SPI1: variants seen among roughly 807,000 people sequenced by gnomAD.
The protein encoded by SPI1 is Spi-1 proto-oncogene.
A neutral mutation model predicts 30.7 loss-of-function variants in SPI1; 3 were observed. The ratio of observed to expected loss-of-function variants is 0.10; its 90% CI spans 0.04 to 0.25. The LOEUF is 0.25. Among genes scored for constraint, SPI1 ranks in the 10% least tolerant of loss-of-function variants. SPI1 has a pLI of 1.00. For missense variants in SPI1, 261 were observed against 371.5 expected (o/e 0.70, Z 2.45); for synonymous variants, 169 against 157.1 (o/e 1.08, Z -0.56).
Position 47,359,637 on chromosome 11 carries a change from GGTCT to G in SPI1, c.330+212_330+215del, listed in dbSNP as rs1483539749. 1.7e-4 allele frequency among the ~76,000 whole-genome samples: 26 copies of G among 152,022 alleles called. No individual in the cohort carries two copies. The highest frequency in any genetic ancestry group is 6.3e-4 in the African/African-American group (26 of 41,366). On this transcript the variant is annotated intron_variant, in intron 3 of 4. Transcript: ENST00000378538. The surrounding 1 kb of genome is among the most constrained non-coding windows in gnomAD (Gnocchi z 5.1). ...TGGTGAGGGTGCGAGAATTATCTGG[GGTCT>G]GTCCATACTCGGGGTGAGATGAGAT...
intron 2 of SPI1, 70 bp from the exon 3 acceptor site, chr11:47,360,110 A>G (rs529405462): frequency 7.6e-7 from 1 of 1,313,370 alleles, no homozygotes; most frequent in South Asian, 1.5e-5. Context: ...TTATAGTAAC[A>G]TTAAATAATA....
At chr11:47,378,166 A>G in intron 1 of SPI1, 143 bp downstream of exon 1, 1 of 894,400 alleles carries the variant, frequency 1.1e-6, no homozygotes, top group Non-Finnish European at 1.8e-6. Flanking sequence ...GCTGGGTCTC[A>G]GGCCAGGAGT....
At chr11:47,378,262 C>T (rs376566931) in intron 1 of SPI1, 47 bp downstream of exon 1, 109 of 1,594,326 alleles carry the variant, frequency 6.8e-5, no homozygotes, top group Non-Finnish European at 8.6e-5. Context: ...GGCAGGCAGG[C>T]GTCCGAGGGC....
intron 4 of SPI1, among the ~76,000 whole-genome samples, chr11:47,356,786 T>C (rs2095910547): frequency 6.8e-6 from 1 of 146,316 alleles, no homozygotes; most frequent in Non-Finnish European, 1.5e-5. Flanking sequence ...TACCCACACC[T>C]CACACACACT....
intron 1 of SPI1, among the ~76,000 whole-genome samples, chr11:47,376,760 G>A (rs534545490): frequency 1.3e-5 from 2 of 152,262 alleles, no homozygotes; most frequent in South Asian, 4.1e-4. Flanking sequence ...CCCCCGCAGC[G>A]TGTGGCCCAG....
intron 2 of SPI1, among the ~76,000 whole-genome samples, chr11:47,368,892 A>G (rs1348970902): frequency 6.6e-6 from 1 of 152,228 alleles, no homozygotes; most frequent in African/African-American, 2.4e-5. Context: ...CTTAAAATGT[A>G]AAGAAATGGT....
At position 47,355,119 on chromosome 11, in the gene SPI1, A is replaced by T; in HGVS notation, c.*108T>A. 1.1e-6 allele frequency: 1 copy of T among 884,528 alleles called. No homozygotes were observed. Among genetic ancestry groups the T allele is most frequent in the Non-Finnish European group, 1.5e-6 (1 of 675,422 alleles). The allele number at this position is 884,528 out of a possible 1,614,324, so 54.8% of individuals were successfully genotyped here. A position where few individuals can be genotyped will look rare whatever the true frequency, so the allele number is the denominator to read the frequency against. On this transcript the variant is annotated 3_prime_UTR_variant, in exon 5 of 5. Transcript: ENST00000378538. ...GGTGAGGCGAGGCCCGGCCCGCCAC[A>T]GTCCTGCCTCTGGGCCCCGGGAGCG...
rs183160870 is a variant in SPI1, at chr11:47,362,684, T to C, written c.143-2644A>G. 2.0e-5 allele frequency among the ~76,000 whole-genome samples: 3 copies of C among 150,052 alleles called. No individual in the cohort carries two copies. The East Asian group carries it at 6.1e-4, about 30-fold the overall frequency. ...TCCACCTCCCGGGTTCAAGTGATTC[T>C]CCTGCCTCAGCCTCCCAAGTAGCTG... On this transcript the variant is annotated intron_variant, in intron 2 of 4. Coordinates refer to ENST00000378538, the MANE Select transcript of SPI1 (RefSeq NM_003120.3).
intron 2 of SPI1, among the ~76,000 whole-genome samples, chr11:47,367,514 A>G (rs1006845338): frequency 2.1e-5 from 3 of 145,214 alleles, no homozygotes; most frequent in African/African-American, 7.7e-5. Flanking sequence ...AGGTCACACC[A>G]CTGCACTCCA....
intron 2 of SPI1, among the ~76,000 whole-genome samples, chr11:47,370,644 G>C (rs938808565): frequency 1.3e-5 from 2 of 152,236 alleles, no homozygotes; most frequent in African/African-American, 4.8e-5. Flanking sequence ...TGAGGCTGCA[G>C]TGAGCAGAGA....
intron 2 of SPI1, among the ~76,000 whole-genome samples, chr11:47,370,396 C>G (rs1003138825): frequency 1.4e-5 from 2 of 143,286 alleles, no homozygotes; most frequent in Non-Finnish European, 3.0e-5. Flanking sequence ...AGAGAGACAC[C>G]GTCTCAAAAA....
intron 4 of SPI1, among the ~76,000 whole-genome samples, chr11:47,357,170 ATC>A (rs2095912111): frequency 6.9e-6 from 1 of 144,302 alleles, no homozygotes; most frequent in African/African-American, 2.6e-5. Context: ...ACATGCTCAC[ATC>A]TCACACCCAC....
chr11:47,378,119 C>A (rs954531130), intron 1 of SPI1, among the ~76,000 whole-genome samples, 190 bp downstream of exon 1: 2 of 152,252 alleles, frequency 1.3e-5, no homozygotes, highest in Non-Finnish European at 2.9e-5. Flanking sequence ...GGCCTCAGCC[C>A]GCCAGGGCAT....
At chr11:47,367,204 A>AGATGGATG (rs748565791) in intron 2 of SPI1, among the ~76,000 whole-genome samples, 1 of 152,012 alleles carries the variant, frequency 6.6e-6, no homozygotes, top group South Asian at 2.1e-4. Flanking sequence ...TTGGATGGAT[A>AGATGGATG]GATGGATGGA....
chr11:47,370,170 A>G (rs1464741856), intron 2 of SPI1, among the ~76,000 whole-genome samples: 1 of 152,202 alleles, frequency 6.6e-6, no homozygotes, highest in Non-Finnish European at 1.5e-5. Flanking sequence ...TGGGAGGCTG[A>G]GGCCAGTGGA....
intron 1 of SPI1, among the ~76,000 whole-genome samples, chr11:47,377,101 G>GCTGGTCCTGC (rs1360457592): frequency 2.0e-5 from 3 of 152,216 alleles, no homozygotes; most frequent in Non-Finnish European, 2.9e-5. Flanking sequence ...CAGCAGGCTG[G>GCTGGTCCTGC]CTGGTCCTGC....
rs1730387730 is a variant in SPI1 at position 47,359,959 on chromosome 11, C to T, written c.224G>A (p.Ser75Asn). Residue 75 changes from serine (S) to asparagine (N), a missense_variant, in exon 3 of 5, where the codon AGC becomes AAC. Around this residue, in one of 5 missense-constraint regions of SPI1, gnomAD observed 10 missense variants for 31.6 expected, o/e 0.32. Coordinates refer to ENST00000378538, the MANE Select transcript of SPI1 (RefSeq NM_003120.3). The surrounding 1 kb of genome is among the most constrained non-coding windows in gnomAD (Gnocchi z 5.1). ...FAENNFTELQ[S>N]VQPPQLQQLY... ...CTGCTGCAGCTGCGGGGGCTGCACG[C>T]TCTGGAGCTCCGTGAAGTTGTTCTC... 2 of 1,611,370 alleles carry T rather than the reference C, an allele frequency of 1.2e-6. No individual in the cohort carries two copies. The highest frequency in any genetic ancestry group is 1.1e-5 in the South Asian group (1 of 91,014).
rs55957907 is a variant in SPI1, at chr11:47,375,454, G to A, written c.142+179C>T. On this transcript the variant is annotated intron_variant, in intron 2 of 4. Coordinates refer to ENST00000378538, the MANE Select transcript of SPI1 (RefSeq NM_003120.3). This position sits in a 1 kb window ranked among gnomAD's most constrained non-coding sequence, Gnocchi z 4.2. ...TGACACACTGCAGAGGCTCCATAATGGAGGCTCAGGTGTGGGGGTGCAGCG... is the reference window on the plus strand; with the variant it reads ...TGACACACTGCAGAGGCTCCATAATAGAGGCTCAGGTGTGGGGGTGCAGCG... Among the ~76,000 whole-genome samples, 2,815 of 152,314 alleles carry A rather than the reference G, an allele frequency of 0.018. 41 individuals are homozygous for A. The highest frequency in any genetic ancestry group is 0.029 in the Non-Finnish European group (1,982 of 68,032).
chr11:47,363,291 C>T (rs1019128539), intron 2 of SPI1, among the ~76,000 whole-genome samples: 6 of 152,132 alleles, frequency 3.9e-5, no homozygotes, highest in Admixed American at 3.9e-4. Context: ...GAGGCCAAGG[C>T]GAGCGAATCA....
Sources: allele counts gnomAD v4.1 joint callset (sites outside exome capture counted in the v4.1 genomes callset), GRCh38; gene constraint gnomAD v4.1.1; regional missense constraint gnomAD v4.1.1; non-coding constraint Gnocchi (gnomAD v3.1); transcripts MANE v1.5; gene names NCBI Gene and HGNC (gene_info 2026-07-23, HGNC 2026-07-21).